Variants in NEDD4L observed in about 807,000 individuals in gnomAD.
The protein encoded by NEDD4L is NEDD4 like E3 ubiquitin protein ligase, also known as E3 ubiquitin-protein ligase NEDD4-like.
A neutral mutation model predicts 148.9 loss-of-function variants in NEDD4L; 54 were observed. The observed-to-expected ratio is 0.36, with a 90% CI of 0.29 to 0.45. The LOEUF (loss-of-function observed/expected upper bound fraction) is 0.45. Among genes scored for constraint, NEDD4L ranks in the 20% least tolerant of loss-of-function variants. NEDD4L has a pLI of 1.00. For missense variants in NEDD4L, 856 were observed against 1,233.8 expected (o/e 0.69, Z 4.59); for synonymous variants, 433 against 440.7 (o/e 0.98, Z 0.22).
Position 58,109,568 on chromosome 18 carries a change from T to TTTG in NEDD4L, c.49-56218_49-56217insGTT, listed in dbSNP as rs758085015. ...TTTGGGAACAACTAGGAGGTTTTTT[T>TTTG]TTTGTTTTTTTTTTTTTTTTTGAGA... On this transcript the variant is annotated intron_variant, in intron 1 of 30. Coordinates refer to ENST00000400345, the MANE Select transcript of NEDD4L (RefSeq NM_001144967.3). Among the ~76,000 whole-genome samples the TTTG allele has an allele frequency of 3.4e-3, 448 of 130,238 alleles. 3 individuals carry two copies. The highest frequency in any genetic ancestry group is 6.1e-3 in the African/African-American group (225 of 36,880). 85.4% of individuals were successfully genotyped at this position (130,238 alleles called of 152,430 possible).
intron 5 of NEDD4L, among the ~76,000 whole-genome samples, chr18:58,275,421 A>G (rs949823451): frequency 6.6e-6 from 1 of 152,158 alleles, no homozygotes; most frequent in Non-Finnish European, 1.5e-5. Flanking sequence ...CTGTACTTGA[A>G]TGGATTTTTT....
chr18:58,237,657 T>C (rs1365928643), intron 2 of NEDD4L, among the ~76,000 whole-genome samples: 1 of 152,248 alleles, frequency 6.6e-6, no homozygotes, highest in African/African-American at 2.4e-5. Flanking sequence ...TCACCACATA[T>C]TAATAAAATA....
At chr18:58,187,271 C>A (rs530950040) in intron 2 of NEDD4L, among the ~76,000 whole-genome samples, 7 of 152,168 alleles carry the variant, frequency 4.6e-5, no homozygotes, top group Non-Finnish European at 1.0e-4. Context: ...GACAACCTGA[C>A]AAGTTTGTGT....
At chr18:58,196,185 C>G (rs758508662) in intron 2 of NEDD4L, among the ~76,000 whole-genome samples, 7 of 152,140 alleles carry the variant, frequency 4.6e-5, no homozygotes, top group Non-Finnish European at 8.8e-5. Flanking sequence ...GAGGACAGAT[C>G]TTTTATTTAA....
rs539508040 is a variant in NEDD4L, at chr18:58,177,580, G to C, written c.122+11719G>C. Reference sequence around the variant, plus strand: ...ACTGGCTCTCCACCCCATCCTCAGTGGGTGCAGCTTTGGGGAGGCCGTGAG... The same window carrying C: ...ACTGGCTCTCCACCCCATCCTCAGTCGGTGCAGCTTTGGGGAGGCCGTGAG... On this transcript the variant is annotated intron_variant, in intron 2 of 30. Transcript: ENST00000400345. Among the ~76,000 whole-genome samples, 3 of 152,292 alleles carry C rather than the reference G, an allele frequency of 2.0e-5. No homozygotes were observed. The South Asian group carries it at 6.2e-4, about 32-fold the overall frequency.
At chr18:58,344,870 G>A (rs1454378827) in intron 16 of NEDD4L, among the ~76,000 whole-genome samples, 1 of 152,198 alleles carries the variant, frequency 6.6e-6, no homozygotes, top group Non-Finnish European at 1.5e-5. Flanking sequence ...AGATGGATTA[G>A]TGTAAGGAGC....
At chr18:58,218,791 C>T (rs141929756) in intron 2 of NEDD4L, among the ~76,000 whole-genome samples, 3 of 152,292 alleles carry the variant, frequency 2.0e-5, no homozygotes, top group South Asian at 2.1e-4. Context: ...TGGATTATCC[C>T]GATATGTGCA....
intron 6 of NEDD4L, among the ~76,000 whole-genome samples, chr18:58,317,029 G>A (rs1470926822): frequency 6.6e-6 from 1 of 152,204 alleles, no homozygotes; most frequent in African/African-American, 2.4e-5. Context: ...GTTTCCATAT[G>A]TTAAATACCA....
chr18:58,150,397 A>G (rs8091185), intron 1 of NEDD4L, among the ~76,000 whole-genome samples: 53,073 of 152,018 alleles, frequency 0.35, 9,716 homozygotes, highest in African/African-American at 0.44. Context: ...ACCACACCTG[A>G]CTAATTTTAG....
chr18:58,238,851 G>A (rs568394235), intron 2 of NEDD4L, among the ~76,000 whole-genome samples: 1 of 152,246 alleles, frequency 6.6e-6, no homozygotes, highest in East Asian at 1.9e-4. Context: ...TCTTTAGAAA[G>A]TATTACCTTT....
chr18:58,309,559 C>A (rs2057436865), intron 5 of NEDD4L, among the ~76,000 whole-genome samples: 1 of 151,978 alleles, frequency 6.6e-6, no homozygotes, highest in South Asian at 2.1e-4. Context: ...TGAGCCCTGC[C>A]TGAAGGAGCT....
At chr18:58,161,441 T>A (rs959032182) in intron 1 of NEDD4L, among the ~76,000 whole-genome samples, 3 of 150,948 alleles carry the variant, frequency 2.0e-5, no homozygotes, top group Non-Finnish European at 4.4e-5. Context: ...TTTTCTTTTT[T>A]TTTTTTTTTT....
chr18:58,240,951 A>G (rs768075478), intron 2 of NEDD4L, among the ~76,000 whole-genome samples: 81 of 152,218 alleles, frequency 5.3e-4, no homozygotes, highest in Non-Finnish European at 8.7e-4. Context: ...CTGGGACTAC[A>G]GATGCACACC....
intron 5 of NEDD4L, among the ~76,000 whole-genome samples, chr18:58,313,997 GA>G (rs1414778916): frequency 1.5e-4 from 23 of 152,222 alleles, no homozygotes; most frequent in Non-Finnish European, 2.4e-4. Context: ...GCCATAGCAG[GA>G]GGAGGAGAGG....
chr18:58,315,933 C>T (rs781124616), intron 5 of NEDD4L, 49 bp from the exon 6 acceptor site: 24 of 1,448,506 alleles, frequency 1.7e-5, no homozygotes, highest in South Asian at 8.0e-5. Context: ...GAAATGCTGA[C>T]GCTCAGTGAA....
intron 1 of NEDD4L, among the ~76,000 whole-genome samples, chr18:58,101,850 CAT>C (rs2084772500): frequency 6.6e-6 from 1 of 152,002 alleles, no homozygotes; most frequent in Non-Finnish European, 1.5e-5. Context: ...TTAATTGTGT[CAT>C]GTTGGGTGCT....
At chr18:58,185,868 T>G (rs1009494805) in intron 2 of NEDD4L, among the ~76,000 whole-genome samples, 10 of 151,204 alleles carry the variant, frequency 6.6e-5, no homozygotes, top group Non-Finnish European at 1.5e-4. Flanking sequence ...AGCAAAACTC[T>G]GTCTCAAAAA....
chr18:58,369,164 A>C (rs571075580), intron 22 of NEDD4L, among the ~76,000 whole-genome samples: 246 of 152,288 alleles, frequency 1.6e-3, no homozygotes, highest in African/African-American at 5.6e-3. Context: ...GGCTCAGGGA[A>C]TCTTTCCCAG....
At chr18:58,318,129 G>C (rs2058454224) in intron 6 of NEDD4L, among the ~76,000 whole-genome samples, 1 of 152,196 alleles carries the variant, frequency 6.6e-6, no homozygotes, top group Non-Finnish European at 1.5e-5. Context: ...AGTGTGGAGA[G>C]GGCGGGAGCA....
Sources: gnomAD v4.1 joint callset for allele counts (sites outside exome capture counted in the v4.1 genomes callset) on GRCh38, gnomAD v4.1.1 for gene constraint, MANE v1.5 for transcripts, NCBI Gene and HGNC (gene_info 2026-07-23, HGNC 2026-07-21) for gene names.